ID1: variants seen among roughly 807,000 people sequenced by gnomAD.
ID1 encodes inhibitor of DNA binding 1, also known as DNA-binding protein inhibitor ID-1.
ID1 carries 8 observed loss-of-function variants against 11.3 expected under a neutral mutation model. The observed-to-expected ratio is 0.71, with a 90% CI of 0.42 to 1.28. ID1 has a LOEUF of 1.28. Among genes scored for constraint, ID1 ranks in the 50% most tolerant of loss-of-function variants. ID1 has a pLI of 0.01. For missense variants in ID1, 347 were observed against 219.8 expected (o/e 1.58, Z -3.66); for synonymous variants, 176 against 100.2 (o/e 1.76, Z -4.52).
intron 1 of ID1, 35 bp from the exon 2 acceptor site, chr20:31,606,018 C>T (rs776583398): frequency 1.9e-6 from 3 of 1,607,176 alleles, no homozygotes; most frequent in Non-Finnish European, 2.5e-6. Flanking sequence ...GCGTCCCTTC[C>T]AACCCGCCGG....
Position 31,605,358 on chromosome 20 carries a change from C to T in ID1, c.-30C>T, listed in dbSNP as rs1395939056. 6.3e-7 allele frequency: 1 copy of T among 1,578,054 alleles called. No homozygotes were observed. The highest frequency in any genetic ancestry group is 8.6e-7 in the Non-Finnish European group (1 of 1,169,002). ...TTCCACCTCATTTTTTTCGCTTTGC[C>T]CATTCTGTTTCAGCCAGTCGCCAAG... On this transcript the variant is annotated 5_prime_UTR_variant, in exon 1 of 2. Coordinates refer to ENST00000376112, the MANE Select transcript of ID1 (RefSeq NM_002165.4).
chr20:31,606,398 T>G lies in ID1; in HGVS notation c.*304T>G. 4.0e-6 allele frequency: 2 copies of G among 500,982 alleles called. No individual in the cohort carries two copies. The highest frequency in any genetic ancestry group is 7.3e-6 in the Non-Finnish European group (2 of 272,876). The allele number at this position is 500,982 out of a possible 1,614,324, so 31.0% of individuals were successfully genotyped here. ...GGTCACGTTTGGTGCTTCTCAGATTTCTGAGGAAATTGCTTTGTATTGTAT... is the reference window on the plus strand; with the variant it reads ...GGTCACGTTTGGTGCTTCTCAGATTGCTGAGGAAATTGCTTTGTATTGTAT... On this transcript the variant is annotated 3_prime_UTR_variant, in exon 2 of 2. Transcript: ENST00000376112.
rs759361317 is a variant in ID1 at position 31,605,482 on chromosome 20, T to G, written c.95T>G (p.Val32Gly). Residue 32 changes from valine (V) to glycine (G), a missense_variant, in exon 1 of 2, where the codon GTG (valine) becomes GGG (glycine). By Grantham distance (109) the Val-to-Gly change is moderately radical. Coordinates refer to ENST00000376112, the MANE Select transcript of ID1 (RefSeq NM_002165.4). ...GKTASGAGEVVRCLSEQSVAI... is the reference protein window; with the variant it reads ...GKTASGAGEVGRCLSEQSVAI... ...ACAGCGAGCGGTGCGGGCGAGGTGG[T>G]GCGCTGTCTGTCTGAGCAGAGCGTG... 1 of 1,606,466 alleles carries G rather than the reference T, an allele frequency of 6.2e-7. No individual in the cohort carries two copies. Among genetic ancestry groups the G allele is most frequent in the South Asian group, 1.1e-5 (1 of 90,534 alleles).
At position 31,605,360 on chromosome 20, in the gene ID1, A is replaced by G. The variant is rs771442714; in HGVS notation, c.-28A>G. The G allele has an allele frequency of 5.7e-6, 9 of 1,583,516 alleles. No homozygotes were observed. The Middle Eastern group carries it at 5.7e-4, about 100-fold the overall frequency. Reference sequence around the variant, plus strand: ...CCACCTCATTTTTTTCGCTTTGCCCATTCTGTTTCAGCCAGTCGCCAAGAA... The same window carrying G: ...CCACCTCATTTTTTTCGCTTTGCCCGTTCTGTTTCAGCCAGTCGCCAAGAA... On this transcript the variant is annotated 5_prime_UTR_variant, in exon 1 of 2. Transcript: ENST00000376112.
rs1018769340 is a variant in ID1, at chr20:31,605,551, C to T, written c.164C>T (p.Ala55Val). Residue 55 changes from alanine to valine, a missense_variant, in exon 1 of 2, where the codon GCC becomes GTC. Ala to Val is a moderately conservative substitution (Grantham distance 64). Coordinates refer to ENST00000376112, the MANE Select transcript of ID1 (RefSeq NM_002165.4). ...CAGGAGARLP[A>V]LLDEQQVNVL... ...GGGGGCGCCGGGGCGCGCCTGCCTG[C>T]CCTGCTGGACGAGCAGCAGGTAAAC... 3 of 1,558,012 alleles carry T rather than the reference C, an allele frequency of 1.9e-6. No homozygotes were observed. The highest frequency in any genetic ancestry group is 2.7e-5 in the African/African-American group (2 of 73,690).
intron 1 of ID1, 60 bp from the exon 2 acceptor site, chr20:31,605,993 G>A: frequency 1.9e-6 from 3 of 1,611,182 alleles, no homozygotes; most frequent in Middle Eastern, 1.7e-4. Context: ...GGGGGCGTTC[G>A]CTGCGCTCGG....
rs750774972 is a variant in ID1, at chr20:31,605,503, G to A, written c.116G>A (p.Ser39Asn). Reference protein sequence around the residue: ...GEVVRCLSEQSVAISRCAGGA... With the variant: ...GEVVRCLSEQNVAISRCAGGA... ...GTGGTGCGCTGTCTGTCTGAGCAGA[G>A]CGTGGCCATCTCGCGCTGCGCCGGG... The change falls in exon 1 of 2, where the codon AGC (serine) becomes AAC (asparagine). Residue 39 changes from serine (S) to asparagine (N), a missense_variant. Coordinates refer to ENST00000376112, the MANE Select transcript of ID1 (RefSeq NM_002165.4). The A allele has an allele frequency of 8.1e-6, 13 of 1,597,038 alleles. No individual in the cohort carries two copies. Among genetic ancestry groups the A allele is most frequent in the South Asian group, 3.3e-5 (3 of 89,880 alleles).
At chr20:31,605,837 G>T (rs1311814078) in intron 1 of ID1, 24 bp downstream of exon 1, 1 of 1,609,498 alleles carries the variant, frequency 6.2e-7, no homozygotes, top group Non-Finnish European at 8.5e-7. Context: ...CCGACCACTA[G>T]ATCATCCTTA....
Position 31,605,550 on chromosome 20 carries a change from G to A in ID1, c.163G>A (p.Ala55Thr), listed in dbSNP as rs765090650. ...CGGGGGCGCCGGGGCGCGCCTGCCT[G>A]CCCTGCTGGACGAGCAGCAGGTAAA... ...CAGGAGARLP[A>T]LLDEQQVNVL... Residue 55 changes from alanine to threonine, a missense_variant, in exon 1 of 2, where the codon GCC becomes ACC. Transcript: ENST00000376112. 5.1e-6 allele frequency: 8 copies of A among 1,558,544 alleles called. No individual in the cohort carries two copies. The highest frequency in any genetic ancestry group is 4.3e-6 in the Non-Finnish European group (5 of 1,149,610).
At chr20:31,605,915 G>T in intron 1 of ID1, 102 bp downstream of exon 1, 2 of 1,582,696 alleles carry the variant, frequency 1.3e-6, no homozygotes, top group Non-Finnish European at 1.7e-6. Context: ...ATCCTTGCGG[G>T]TACCTGGCTA....
In ID1 at chr20:31,605,912, C is replaced by T. The variant is rs749490072; in HGVS notation, c.426+99C>T. The T allele has an allele frequency of 7.0e-6, 11 of 1,581,454 alleles. No individual in the cohort carries two copies. Among genetic ancestry groups the T allele is most frequent in the Middle Eastern group, 1.7e-4 (1 of 5,972 alleles). The stretch of plus-strand genomic sequence containing the variant: ...TTGCACCACTTCCGTCCCATCCTTG[C>T]GGGTACCTGGCTATGCGGGGGTGCC... On this transcript the variant is annotated intron_variant, in intron 1 of 1. Transcript: ENST00000376112.
In ID1 at chr20:31,605,895, C is replaced by T. The variant is rs1014689144; in HGVS notation, c.426+82C>T. Reference sequence around the variant, plus strand: ...AGAGAGGGCGTGGGCGCTTGCACCACTTCCGTCCCATCCTTGCGGGTACCT... The same window carrying T: ...AGAGAGGGCGTGGGCGCTTGCACCATTTCCGTCCCATCCTTGCGGGTACCT... On this transcript the variant is annotated intron_variant, in intron 1 of 1. Coordinates refer to ENST00000376112, the MANE Select transcript of ID1 (RefSeq NM_002165.4). 3.3e-5 allele frequency: 52 copies of T among 1,584,800 alleles called. No individual in the cohort carries two copies. The African/African-American group carries it at 6.6e-4, about 20-fold the overall frequency.
chr20:31,605,695 G>C lies in ID1; in HGVS notation c.308G>C (p.Arg103Thr), dbSNP rs1483516847. 7.4e-6 allele frequency: 12 copies of C among 1,611,770 alleles called. No homozygotes were observed. Among genetic ancestry groups the C allele is most frequent in the Middle Eastern group, 1.7e-4 (1 of 6,060 alleles). Residue 103 changes from arginine (R) to threonine (T), a missense_variant, in exon 1 of 2, where the codon AGG (arginine) becomes ACG (threonine). Transcript: ENST00000376112. ...CTCCAGCACGTCATCGACTACATCA[G>C]GGACCTTCAGTTGGAGCTGAACTCG... ...EILQHVIDYI[R>T]DLQLELNSES... is the part of the protein sequence containing the mutation.
Position 31,606,085 on chromosome 20 carries a change from G to A in ID1, c.459G>A (p.Leu153=). 1 of 1,609,080 alleles carries A rather than the reference G, an allele frequency of 6.2e-7. No individual in the cohort carries two copies. The highest frequency in any genetic ancestry group is 8.5e-7 in the Non-Finnish European group (1 of 1,179,970). The part of the protein sequence containing the change: ...AACVPADDRI[L]CR ...GCGTTCCTGCGGACGATCGCATCTTGTGTCGCTGAAGCGCCTCCCCCAGGG... is the reference window on the plus strand; with the variant it reads ...GCGTTCCTGCGGACGATCGCATCTTATGTCGCTGAAGCGCCTCCCCCAGGG... Residue 153 remains leucine, a synonymous_variant, in exon 2 of 2, where the codon TTG becomes TTA. Coordinates refer to ENST00000376112, the MANE Select transcript of ID1 (RefSeq NM_002165.4).
intron 1 of ID1, 53 bp downstream of exon 1, chr20:31,605,866 G>T (rs1373147703): frequency 6.3e-7 from 1 of 1,592,910 alleles, no homozygotes; most frequent in Non-Finnish European, 8.6e-7. Context: ...GGGAAACGGA[G>T]GCCAGAGAGG....
rs760486496 is a variant in ID1, at chr20:31,606,037, C to G, written c.427-16C>G. The G allele has an allele frequency of 1.2e-6, 2 of 1,612,044 alleles. No homozygotes were observed. The highest frequency in any genetic ancestry group is 2.2e-5 in the East Asian group (1 of 44,862). On this transcript the variant is annotated splice_polypyrimidine_tract_variant and intron_variant, in intron 1 of 1. Transcript: ENST00000376112. ...CCCTTCCAACCCGCCGGTCTCATTT[C>G]TTCTCGTTTTCACAGGCGGCATGCG...
Position 31,605,631 on chromosome 20 carries a change from A to G in ID1, c.244A>G (p.Thr82Ala), listed in dbSNP as rs200871145. Residue 82 changes from threonine (T) to alanine (A), a missense_variant, in exon 1 of 2, where the codon ACC (threonine) becomes GCC (alanine). Thr to Ala is a moderately conservative substitution (Grantham distance 58). Coordinates refer to ENST00000376112, the MANE Select transcript of ID1 (RefSeq NM_002165.4). ...CTCACGCCTCAAGGAGCTGGTGCCCACCCTGCCCCAGAACCGCAAGGTGAG... is the reference window on the plus strand; with the variant it reads ...CTCACGCCTCAAGGAGCTGGTGCCCGCCCTGCCCCAGAACCGCAAGGTGAG... ...CYSRLKELVP[T>A]LPQNRKVSKV... is the part of the protein sequence containing the mutation. The G allele has an allele frequency of 6.3e-7, 1 of 1,594,166 alleles. No homozygotes were observed. The highest frequency in any genetic ancestry group is 1.3e-5 in the African/African-American group (1 of 74,264).
rs1474748281 is a variant in ID1 at position 31,605,470 on chromosome 20, C to T, written c.83C>T (p.Ala28Val). 4.4e-6 allele frequency: 7 copies of T among 1,607,644 alleles called. No individual in the cohort carries two copies. The highest frequency in any genetic ancestry group is 5.9e-6 in the Non-Finnish European group (7 of 1,177,278). ...ALKAGKTASG[A>V]GEVVRCLSEQ... ...AAGGCCGGCAAGACAGCGAGCGGTG[C>T]GGGCGAGGTGGTGCGCTGTCTGTCT... The change falls in exon 1 of 2, where the codon GCG (alanine) becomes GTG (valine). Residue 28 changes from alanine to valine, a missense_variant. Ala to Val is a moderately conservative substitution (Grantham distance 64). Coordinates refer to ENST00000376112, the MANE Select transcript of ID1 (RefSeq NM_002165.4).
Position 31,605,330 on chromosome 20 carries a change from G to A in ID1, c.-58G>A. On this transcript the variant is annotated 5_prime_UTR_variant, in exon 1 of 2. Coordinates refer to ENST00000376112, the MANE Select transcript of ID1 (RefSeq NM_002165.4). ...TGTTCCATTTTCCGTATCTGCTTCGGGCTTCCACCTCATTTTTTTCGCTTT... is the reference window on the plus strand; with the variant it reads ...TGTTCCATTTTCCGTATCTGCTTCGAGCTTCCACCTCATTTTTTTCGCTTT... The A allele has an allele frequency of 6.7e-7, 1 of 1,490,132 alleles. No individual in the cohort carries two copies. The highest frequency in any genetic ancestry group is 9.1e-7 in the Non-Finnish European group (1 of 1,101,700). The allele number at this position is 1,490,132 out of a possible 1,614,324, so 92.3% of individuals were successfully genotyped here.
Sources: gnomAD v4.1 joint callset for allele counts on GRCh38, gnomAD v4.1.1 for gene constraint, MANE v1.5 for transcripts, NCBI Gene and HGNC (gene_info 2026-07-23, HGNC 2026-07-21) for gene names.